The following SH3BGR variants were observed in gnomAD, a reference collection of about 807,000 sequenced individuals.
SH3BGR encodes SH3 domain-binding glutamic acid-rich protein.
A neutral mutation model predicts 24.5 loss-of-function variants in SH3BGR; 29 were observed. The ratio of observed to expected loss-of-function variants is 1.18; its 90% CI spans 0.88 to 1.61. SH3BGR has a LOEUF of 1.61. Ranked by LOEUF, SH3BGR falls within the 40% of genes most tolerant of loss-of-function variation. The pLI is 0.00. For missense variants in SH3BGR, 162 were observed against 205.8 expected, an observed-to-expected ratio of 0.79 and a Z score of 1.30; for synonymous variants, 55 against 65.7, an observed-to-expected ratio of 0.84 and a Z score of 0.79.
intron 2 of SH3BGR, among the ~76,000 whole-genome samples, chr21:39,467,496 G>T (rs563769790): frequency 6.6e-6 from 1 of 152,240 alleles, no homozygotes; most frequent in East Asian, 1.9e-4. Flanking sequence ...ACTTACAAAA[G>T]TATATTCATG....
chr21:39,456,065 A>G (rs2077650607), intron 1 of SH3BGR, among the ~76,000 whole-genome samples: 1 of 152,170 alleles, frequency 6.6e-6, no homozygotes, highest in Admixed American at 6.6e-5. Flanking sequence ...ATAAGTCAAG[A>G]CTTTTGGAAA....
chr21:39,457,489 TC>T (rs1049825690), intron 1 of SH3BGR, among the ~76,000 whole-genome samples: 32 of 145,510 alleles, frequency 2.2e-4, no homozygotes, highest in Non-Finnish European at 4.7e-4. Context: ...TATATATAAA[TC>T]TTATATATAT....
At chr21:39,468,520 C>A (rs2077880846) in intron 2 of SH3BGR, among the ~76,000 whole-genome samples, 1 of 152,136 alleles carries the variant, frequency 6.6e-6, no homozygotes, top group East Asian at 1.9e-4. Context: ...CTCACTGCAG[C>A]CTCAACCTCC....
chr21:39,508,784 T>G (rs563299227), intron 4 of SH3BGR, among the ~76,000 whole-genome samples: 1 of 152,334 alleles, frequency 6.6e-6, no homozygotes, highest in South Asian at 2.1e-4. Context: ...GTCTTTAATC[T>G]CACAGTTATT....
chr21:39,451,805 A>G, upstream of SH3BGR: 1 of 1,315,114 alleles, frequency 7.6e-7, no homozygotes, highest in Admixed American at 2.0e-5. Flanking sequence ...TCGCGCGTTT[A>G]AAGTGATAGG....
intron 1 of SH3BGR, among the ~76,000 whole-genome samples, chr21:39,455,734 T>G (rs1411965578): frequency 2.0e-5 from 3 of 152,242 alleles, no homozygotes; most frequent in Admixed American, 6.5e-5. Flanking sequence ...TCCTCTGGCC[T>G]GGATCCTAAG....
intron 1 of SH3BGR, among the ~76,000 whole-genome samples, chr21:39,455,903 A>G (rs930193826): frequency 6.6e-6 from 1 of 152,104 alleles, no homozygotes; most frequent in African/African-American, 2.4e-5. Context: ...TTTGGGGATG[A>G]GGGCTGAGAA....
intron 2 of SH3BGR, among the ~76,000 whole-genome samples, chr21:39,465,477 A>G (rs769288117): frequency 9.2e-5 from 14 of 152,204 alleles, no homozygotes; most frequent in Non-Finnish European, 1.8e-4. Flanking sequence ...GAAATTTTCT[A>G]TGTAGATTTA....
intron 3 of SH3BGR, among the ~76,000 whole-genome samples, chr21:39,497,959 T>A (rs2078427231): frequency 6.6e-6 from 1 of 152,224 alleles, no homozygotes; most frequent in Non-Finnish European, 1.5e-5. Flanking sequence ...ACAGTGTTAT[T>A]TGTGGTGGAA....
At chr21:39,476,190 G>A (rs2078024537) in intron 3 of SH3BGR, among the ~76,000 whole-genome samples, 1 of 152,192 alleles carries the variant, frequency 6.6e-6, no homozygotes, top group African/African-American at 2.4e-5. Context: ...AAGATGGAGA[G>A]TAGGGAAGGC....
At chr21:39,483,263 G>A (rs2078160094) in intron 3 of SH3BGR, among the ~76,000 whole-genome samples, 1 of 152,196 alleles carries the variant, frequency 6.6e-6, no homozygotes, top group African/African-American at 2.4e-5. Context: ...TGTGCAGAGT[G>A]TCCAGGATCA....
At chr21:39,508,424 A>G (rs1399216893) in intron 4 of SH3BGR, among the ~76,000 whole-genome samples, 3 of 152,218 alleles carry the variant, frequency 2.0e-5, no homozygotes, top group Admixed American at 2.0e-4. Context: ...GTAGAGACCT[A>G]TTTGAGCCTT....
intron 3 of SH3BGR, chr21:39,488,815 T>TC (rs997993280): frequency 3.0e-5 from 8 of 265,000 alleles, no homozygotes; most frequent in African/African-American, 1.6e-4. Context: ...ATTCCCAGCA[T>TC]CCCCCCAGCC....
At position 39,511,741 on chromosome 21, in the gene SH3BGR, AAGG is replaced by A. The variant is rs1401825829; in HGVS notation, c.500_502del (p.Gly167del). The A allele has an allele frequency of 3.4e-6, 5 of 1,453,208 alleles. No homozygotes were observed. Among genetic ancestry groups the A allele is most frequent in the Non-Finnish European group, 4.7e-6 (5 of 1,058,214 alleles). The allele number at this position is 1,453,208 out of a possible 1,614,324, so 90.0% of individuals were successfully genotyped here. A position where few individuals can be genotyped will look rare whatever the true frequency, so the allele number is the denominator to read the frequency against. The stretch of plus-strand genomic sequence containing the variant: ...GCCGAGGAGGAGGAAGAAACTGCAG[AAGG>A]AGAAGAGCCTGGAGAAGACGAAGAT... On this transcript the variant is annotated inframe_deletion, in exon 6 of 7. Transcript: ENST00000333634. This position sits in a 1 kb window ranked among gnomAD's most constrained non-coding sequence, Gnocchi z 4.2.
At chr21:39,451,546 T>C (rs1440486615), upstream of SH3BGR, among the ~76,000 whole-genome samples, 1 of 152,216 alleles carries the variant, frequency 6.6e-6, no homozygotes, top group Non-Finnish European at 1.5e-5. Context: ...AAAGTTGCTC[T>C]TTACTTAAAG....
intron 4 of SH3BGR, 87 bp downstream of exon 4, chr21:39,500,002 C>CA: frequency 1.0e-6 from 1 of 957,054 alleles, no homozygotes; most frequent in South Asian, 1.4e-5. Context: ...ACTCTGGGCA[C>CA]AAGCAGTCAG....
At chr21:39,513,334 T>C (rs1206252694) in intron 6 of SH3BGR, among the ~76,000 whole-genome samples, 6 of 152,094 alleles carry the variant, frequency 3.9e-5, no homozygotes, top group South Asian at 2.1e-4. Flanking sequence ...GAAGAAGAAA[T>C]CTTTGGTGCT....
chr21:39,479,374 GGTGATGGTGGTGGTGGTGACA>G (rs2078091850), intron 3 of SH3BGR, among the ~76,000 whole-genome samples: 1 of 149,902 alleles, frequency 6.7e-6, no homozygotes, highest in Non-Finnish European at 1.5e-5. Context: ...TGATGGTGGT[GGTGATGGTGGTGGTGGTGACA>G]GTGATGGTGG....
Position 39,473,293 on chromosome 21 carries a change from TTATA to T in SH3BGR, c.232-1838_232-1835del, listed in dbSNP as rs1332037907. ...GCCAACTAAAGAAGTTTTCAGAACT[TTATA>T]TATGGAATTTCTGGGAAATAGCATA... On this transcript the variant is annotated intron_variant, in intron 2 of 6. Transcript: ENST00000333634. Among the ~76,000 whole-genome samples the T allele has an allele frequency of 9.8e-5, 15 of 152,308 alleles. No individual in the cohort carries two copies. In the East Asian group the frequency reaches 2.9e-3, roughly 29 times the overall value.
Sources: allele counts gnomAD v4.1 joint callset (sites outside exome capture counted in the v4.1 genomes callset), GRCh38; gene constraint gnomAD v4.1.1; non-coding constraint Gnocchi (gnomAD v3.1); transcripts MANE v1.5; gene names NCBI Gene and HGNC (gene_info 2026-07-23, HGNC 2026-07-21).